ADGRL3: variants seen among roughly 807,000 people sequenced by gnomAD.
The protein encoded by ADGRL3 is adhesion G protein-coupled receptor L3.
In ADGRL3, 62 loss-of-function variants were observed where a neutral mutation model predicts 153.5. The observed-to-expected ratio is 0.40, with a 90% confidence interval of 0.33 to 0.50. The LOEUF (loss-of-function observed/expected upper bound fraction) is 0.50, where lower values mean the gene tolerates loss of function less well. ADGRL3 is among the 20% of genes least tolerant of loss of function. ADGRL3 has a pLI of 0.47. For synonymous variants in ADGRL3, 710 were observed against 672.5 expected, an observed-to-expected ratio of 1.06 and a Z score of -0.86; for missense variants, 1,641 against 1,859.4, an observed-to-expected ratio of 0.88 and a Z score of 2.16.
intron 8 of ADGRL3, among the ~76,000 whole-genome samples, chr4:61,762,950 C>G (rs2096930166): frequency 6.6e-6 from 1 of 152,040 alleles, no homozygotes; most frequent in African/African-American, 2.4e-5. Context: ...TTTTTAACAT[C>G]CATTCAGTTT....
At chr4:61,297,802 C>CCACCGCCACCGTCACTACCGT (rs2094458331) in intron 1 of ADGRL3, among the ~76,000 whole-genome samples, 1 of 151,870 alleles carries the variant, frequency 6.6e-6, no homozygotes, top group Non-Finnish European at 1.5e-5. Context: ...ACAACTGTTA[C>CCACCGCCACCGTCACTACCGT]CACCGCCACC....
intron 17 of ADGRL3, among the ~76,000 whole-genome samples, chr4:61,970,455 G>A (rs944487594): frequency 6.6e-6 from 1 of 152,050 alleles, no homozygotes; most frequent in Non-Finnish European, 1.5e-5. Context: ...TACAACAAAT[G>A]TAGTTTTGTT....
intron 1 of ADGRL3, among the ~76,000 whole-genome samples, chr4:61,354,568 CTT>C (rs2096123603): frequency 9.9e-6 from 1 of 101,160 alleles, no homozygotes; most frequent in African/African-American, 3.3e-5. Flanking sequence ...GATGATAAGA[CTT>C]TGTCTGTGTG....
In ADGRL3 at chr4:61,788,091, T is replaced by C. The variant is rs74603825; in HGVS notation, c.1400-25718T>C. Among the ~76,000 whole-genome samples, 1,119 of 152,272 alleles carry C rather than the reference T, an allele frequency of 7.3e-3. 9 individuals are homozygous for C. The highest frequency in any genetic ancestry group is 0.012 in the Non-Finnish European group (844 of 68,026). ...TTTGCAATTGGGAATTGTGCTGCTA[T>C]AACCATTAGAGCAACTCATAAAAGA... On this transcript the variant is annotated intron_variant, in intron 8 of 26. Transcript: ENST00000683033.
rs1013199328 is a variant in ADGRL3 at position 62,062,349 on chromosome 4, C to T, written c.3815-5817C>T. Among the ~76,000 whole-genome samples, 6 of 151,518 alleles carry T rather than the reference C, an allele frequency of 4.0e-5. No individual in the cohort carries two copies. The East Asian group carries it at 7.7e-4, about 20-fold the overall frequency. On this transcript the variant is annotated intron_variant, in intron 25 of 26. Coordinates refer to ENST00000683033, the MANE Select transcript of ADGRL3 (RefSeq NM_001387552.1). Reference sequence around the variant, plus strand: ...CTTTTGAGACTTCTTTTTGCATGCTCGATACTAGTTCTTTTTTGGATTACA... The same window carrying T: ...CTTTTGAGACTTCTTTTTGCATGCTTGATACTAGTTCTTTTTTGGATTACA...
chr4:61,351,467 G>A (rs2096048775), intron 1 of ADGRL3, among the ~76,000 whole-genome samples: 1 of 152,158 alleles, frequency 6.6e-6, no homozygotes, highest in African/African-American at 2.4e-5. Flanking sequence ...ACCTGCTATT[G>A]GAAGAAGATG....
At chr4:62,021,244 A>G (rs1402244741) in intron 21 of ADGRL3, among the ~76,000 whole-genome samples, 1 of 152,164 alleles carries the variant, frequency 6.6e-6, no homozygotes, top group African/African-American at 2.4e-5. Context: ...AGCAAATAAA[A>G]CTACCAAGAT....
At chr4:61,320,339 C>G (rs1262888217) in intron 1 of ADGRL3, among the ~76,000 whole-genome samples, 1 of 152,184 alleles carries the variant, frequency 6.6e-6, no homozygotes, top group Non-Finnish European at 1.5e-5. Flanking sequence ...ATCAGTGTGT[C>G]ATTCCTACTT....
chr4:61,632,973 T>G (rs2093254414), intron 5 of ADGRL3, among the ~76,000 whole-genome samples: 1 of 152,226 alleles, frequency 6.6e-6, no homozygotes, highest in Non-Finnish European at 1.5e-5. Flanking sequence ...TCACATCTAA[T>G]ATTTGAAAAC....
intron 8 of ADGRL3, among the ~76,000 whole-genome samples, chr4:61,748,389 C>T (rs1242657373): frequency 1.3e-5 from 2 of 151,462 alleles, no homozygotes; most frequent in Non-Finnish European, 2.9e-5. Context: ...CAAAAAAGAG[C>T]CTGCATTCCC....
intron 8 of ADGRL3, among the ~76,000 whole-genome samples, chr4:61,738,009 A>G (rs1008914812): frequency 5.9e-5 from 9 of 151,544 alleles, no homozygotes; most frequent in African/African-American, 2.2e-4. Context: ...GTGATTTGTG[A>G]GATTTTGGTG....
chr4:61,809,770 C>G (rs2097588512), intron 8 of ADGRL3, among the ~76,000 whole-genome samples: 1 of 151,660 alleles, frequency 6.6e-6, no homozygotes, highest in Non-Finnish European at 1.5e-5. Context: ...GAGAAAGGCA[C>G]CTGTGCCTCA....
chr4:61,741,340 C>G (rs1352754083), intron 8 of ADGRL3, among the ~76,000 whole-genome samples: 1 of 152,204 alleles, frequency 6.6e-6, no homozygotes, highest in East Asian at 1.9e-4. Flanking sequence ...TAATTTACAT[C>G]TATCTTAGTA....
chr4:61,850,141 C>G (rs1159263754), intron 9 of ADGRL3, among the ~76,000 whole-genome samples: 4 of 152,092 alleles, frequency 2.6e-5, no homozygotes, highest in Non-Finnish European at 2.9e-5. Flanking sequence ...GATGGTCAAT[C>G]TACATTTTCT....
intron 1 of ADGRL3, among the ~76,000 whole-genome samples, chr4:61,215,133 C>T (rs1742048020): frequency 6.6e-6 from 1 of 152,160 alleles, no homozygotes. Context: ...GAGACTTCTG[C>T]TTCCAATTGT....
At chr4:61,614,274 A>G (rs904289217) in intron 5 of ADGRL3, among the ~76,000 whole-genome samples, 1 of 152,184 alleles carries the variant, frequency 6.6e-6, no homozygotes, top group African/African-American at 2.4e-5. Flanking sequence ...CCTCAAAAAA[A>G]TTGAATTTAT....
At chr4:61,582,494 C>A (rs930787111) in intron 4 of ADGRL3, among the ~76,000 whole-genome samples, 1 of 151,990 alleles carries the variant, frequency 6.6e-6, no homozygotes, top group Non-Finnish European at 1.5e-5. Flanking sequence ...GAGCTCCATT[C>A]ATGTACTTGC....
At chr4:61,567,664 T>TAGGACAAAG (rs1245450217) in intron 4 of ADGRL3, among the ~76,000 whole-genome samples, 3 of 152,148 alleles carry the variant, frequency 2.0e-5, no homozygotes, top group Non-Finnish European at 4.4e-5. Context: ...CCAAAGAGAC[T>TAGGACAAAG]AGGACAAAGC....
intron 5 of ADGRL3, among the ~76,000 whole-genome samples, chr4:61,597,829 C>A (rs1426071863): frequency 6.6e-6 from 1 of 151,910 alleles, no homozygotes; most frequent in Admixed American, 6.6e-5. Flanking sequence ...TATCTTCTTT[C>A]TCTCTCCAAA....
Sources: allele counts gnomAD v4.1 joint callset (sites outside exome capture counted in the v4.1 genomes callset), GRCh38; gene constraint gnomAD v4.1.1; transcripts MANE v1.5; gene names NCBI Gene and HGNC (gene_info 2026-07-23, HGNC 2026-07-21).